The following GPR35 variants were observed in gnomAD, a reference collection of about 807,000 sequenced individuals.
GPR35 encodes the protein KYNA receptor.
For missense variants in GPR35, 372 were observed against 422.5 expected (o/e 0.88, Z 1.05); for synonymous variants, 207 against 198.4 (o/e 1.04, Z -0.36).
At position 240,632,233 on chromosome 2, in the gene GPR35, CCATGCTCAGGAGGGTT is replaced by C. The variant is rs1018705792; in HGVS notation, c.*1357_*1372del. ...AGGAGGGTCCCATGCCTGGAAGGGT[CCATGCTCAGGAGGGTT>C]CATGCCCAGGAGAGTTTATGCCCTG... is the stretch of plus-strand genomic sequence containing the variant. On this transcript the variant is annotated 3_prime_UTR_variant, in exon 2 of 2. Coordinates refer to ENST00000407714, the MANE Select transcript of GPR35 (RefSeq NM_005301.5). Among the ~76,000 whole-genome samples, 2 of 151,946 alleles carry C rather than the reference CCATGCTCAGGAGGGTT, an allele frequency of 1.3e-5. No homozygotes were observed. The highest frequency in any genetic ancestry group is 4.8e-5 in the African/African-American group (2 of 41,370).
At chr2:240,621,140 G>C (rs2043288943), upstream of GPR35, among the ~76,000 whole-genome samples, 1 of 152,268 alleles carries the variant, frequency 6.6e-6, no homozygotes, top group South Asian at 2.1e-4. Context: ...CCACTGGTCT[G>C]CCTGAGCTGC....
At chr2:240,622,126 C>T (rs563290314), upstream of GPR35, among the ~76,000 whole-genome samples, 14 of 152,230 alleles carry the variant, frequency 9.2e-5, no homozygotes, top group African/African-American at 3.4e-4. Flanking sequence ...GCCAACCTCC[C>T]ACCTTGGCCT....
intron 1 of GPR35, chr2:240,629,493 TG>T (rs2043414662): frequency 6.3e-6 from 1 of 158,228 alleles, no homozygotes; most frequent in South Asian, 2.0e-4. Context: ...GGGGCCACCC[TG>T]GGCTTTGTCC....
At chr2:240,608,889 A>G (rs952864486) in intron 2 of GPR35, among the ~76,000 whole-genome samples, 1 of 152,224 alleles carries the variant, frequency 6.6e-6, no homozygotes, top group Admixed American at 6.5e-5. Context: ...GCTTCAAATT[A>G]TGAATTCAAC....
intron 1 of GPR35, among the ~76,000 whole-genome samples, chr2:240,605,842 C>G (rs1290619887): frequency 6.6e-6 from 1 of 152,214 alleles, no homozygotes; most frequent in Admixed American, 6.5e-5. Context: ...GTGGAAGAAT[C>G]ATTTTATTCC....
At chr2:240,617,330 C>G (rs934560806) in exon 4 of GPR35, 2 of 695,140 alleles carry the variant, frequency 2.9e-6, no homozygotes, top group Non-Finnish European at 5.4e-6. Context: ...TGGCAGAGCC[C>G]GAATTCCTGA....
chr2:240,607,990 C>T (rs973377620), intron 2 of GPR35, among the ~76,000 whole-genome samples: 3 of 152,090 alleles, frequency 2.0e-5, no homozygotes, highest in Non-Finnish European at 4.4e-5. Flanking sequence ...CTCCTGGGCT[C>T]AAGTGATCCT....
chr2:240,617,616 G>T, intron 4 of GPR35: 1 of 188,686 alleles, frequency 5.3e-6, no homozygotes, highest in Non-Finnish European at 1.1e-5. Context: ...GAAAGGCAGG[G>T]CAAATGCTTG....
intron 1 of GPR35, among the ~76,000 whole-genome samples, chr2:240,626,805 G>C (rs2043383109): frequency 6.6e-6 from 1 of 152,144 alleles, no homozygotes; most frequent in South Asian, 2.1e-4. Context: ...GGGGCCTGTG[G>C]TCTCAATCCC....
chr2:240,625,434 G>A (rs2043357667), upstream of GPR35: 5 of 985,476 alleles, frequency 5.1e-6, no homozygotes, highest in Non-Finnish European at 6.0e-6. Flanking sequence ...CCTTAAGGAG[G>A]GGCAGAGTCA....
upstream of GPR35, among the ~76,000 whole-genome samples, chr2:240,622,732 C>T (rs761032986): frequency 1.5e-4 from 23 of 152,216 alleles, no homozygotes; most frequent in Middle Eastern, 3.4e-3. Context: ...CGGAGCTCCT[C>T]GCGTCACACA....
chr2:240,622,768 G>A (rs2043310648), upstream of GPR35, among the ~76,000 whole-genome samples: 1 of 152,216 alleles, frequency 6.6e-6, no homozygotes, highest in African/African-American at 2.4e-5. Context: ...TGAAGTGGGA[G>A]GGGCTGGCGC....
intron 2 of GPR35, among the ~76,000 whole-genome samples, chr2:240,612,140 G>A (rs867682079): frequency 6.6e-6 from 1 of 152,026 alleles, no homozygotes; most frequent in Non-Finnish European, 1.5e-5. Context: ...TGTTCATTTA[G>A]ATCTACTCAA....
At chr2:240,608,238 T>C (rs1559431964) in intron 2 of GPR35, among the ~76,000 whole-genome samples, 2 of 152,188 alleles carry the variant, frequency 1.3e-5, no homozygotes, top group Admixed American at 1.3e-4. Context: ...ATAGGTAATT[T>C]TACTTCTTCC....
At chr2:240,606,338 G>C (rs2043133819) in intron 1 of GPR35, 1 of 152,374 alleles carries the variant, frequency 6.6e-6, no homozygotes, top group South Asian at 2.1e-4. Context: ...GGCCTGGATG[G>C]ACGTGACATC....
At chr2:240,625,766 AT>A (rs1359560713) in intron 1 of GPR35, among the ~76,000 whole-genome samples, 198 bp downstream of exon 1, 40 of 120,686 alleles carry the variant, frequency 3.3e-4, no homozygotes, top group South Asian at 6.2e-4. Flanking sequence ...TGAGGCTGTG[AT>A]GGGGGTCTCA....
chr2:240,624,151 G>A (rs556663643), upstream of GPR35, among the ~76,000 whole-genome samples: 524 of 152,238 alleles, frequency 3.4e-3, 1 homozygote, highest in Non-Finnish European at 5.3e-3. Context: ...GCTTGACGGC[G>A]GCCGGGCTTG....
At chr2:240,617,479 A>G (rs1250716288) in intron 4 of GPR35, 1 of 508,050 alleles carries the variant, frequency 2.0e-6, no homozygotes, top group Non-Finnish European at 3.6e-6. Flanking sequence ...TCATTCATCC[A>G]TCAGGGTTTG....
intron 3 of GPR35, among the ~76,000 whole-genome samples, chr2:240,616,677 C>T (rs568666981): frequency 1.3e-5 from 2 of 149,020 alleles, no homozygotes; most frequent in Admixed American, 6.8e-5. Flanking sequence ...TTCCTGCCTC[C>T]TGCTGTCATG....
Sources: allele counts gnomAD v4.1 joint callset (sites outside exome capture counted in the v4.1 genomes callset), GRCh38; gene constraint gnomAD v4.1.1; transcripts MANE v1.5; gene names NCBI Gene and HGNC (gene_info 2026-07-23, HGNC 2026-07-21).